The following IGF1R variants were observed in gnomAD, a reference collection of about 807,000 sequenced individuals.
The protein encoded by IGF1R is insulin-like growth factor 1 receptor.
In IGF1R, 44 loss-of-function variants were observed where a neutral mutation model predicts 144.6. The ratio of observed to expected loss-of-function variants is 0.30; its 90% CI spans 0.24 to 0.39. IGF1R has a LOEUF of 0.39. Among genes scored for constraint, IGF1R ranks in the 10% least tolerant of loss-of-function variants. The pLI is 1.00. For missense variants in IGF1R, 1,355 were observed against 1,833.7 expected, an observed-to-expected ratio of 0.74 and a Z score of 4.77; for synonymous variants, 795 against 722.8, an observed-to-expected ratio of 1.10 and a Z score of -1.60.
At chr15:98,671,171 G>A (rs2052880931) in intron 1 of IGF1R, among the ~76,000 whole-genome samples, 1 of 152,228 alleles carries the variant, frequency 6.6e-6, no homozygotes, top group African/African-American at 2.4e-5. Context: ...AAATCTGCAT[G>A]TCTGAAAGCA....
intron 2 of IGF1R, among the ~76,000 whole-genome samples, chr15:98,815,333 C>A (rs537983445): frequency 6.6e-6 from 1 of 152,306 alleles, no homozygotes; most frequent in Admixed American, 6.5e-5. Context: ...TGGTAACAAC[C>A]TCTTCCTGTT....
At chr15:98,706,191 C>G (rs1012297147) in intron 1 of IGF1R, among the ~76,000 whole-genome samples, 1 of 152,232 alleles carries the variant, frequency 6.6e-6, no homozygotes. Context: ...TTGCCTTCAC[C>G]ATGAGCCTCC....
rs778561064 is a variant in IGF1R, at chr15:98,948,847, G to C, written c.3722+139G>C. On this transcript the variant is annotated intron_variant, in intron 20 of 20. Transcript: ENST00000650285. ...CTTGCCAGGCGTGGCTAAGAGGTTTGTCCTTGTGGAAGGAGCTGAGTGGGT... is the reference window on the plus strand; with the variant it reads ...CTTGCCAGGCGTGGCTAAGAGGTTTCTCCTTGTGGAAGGAGCTGAGTGGGT... The C allele has an allele frequency of 7.1e-5, 73 of 1,034,574 alleles. 1 individual carries two copies. Among genetic ancestry groups the C allele is most frequent in the Non-Finnish European group, 1.0e-4 (69 of 668,552 alleles). 64.1% of individuals were successfully genotyped at this position (1,034,574 alleles called of 1,614,324 possible). A position where few individuals can be genotyped will look rare whatever the true frequency, so the allele number is the denominator to read the frequency against.
At chr15:98,719,726 T>C (rs2054202961) in intron 2 of IGF1R, among the ~76,000 whole-genome samples, 1 of 152,178 alleles carries the variant, frequency 6.6e-6, no homozygotes, top group East Asian at 1.9e-4. Flanking sequence ...GGCAAGTGCT[T>C]AGGCCTCAGA....
At chr15:98,856,049 G>GTT in intron 2 of IGF1R, among the ~76,000 whole-genome samples, 1 of 152,176 alleles carries the variant, frequency 6.6e-6, no homozygotes, top group African/African-American at 2.4e-5. Flanking sequence ...CGGTTTAGAG[G>GTT]GAGACGGGGT....
At chr15:98,700,914 T>A (rs2053715284) in intron 1 of IGF1R, among the ~76,000 whole-genome samples, 1 of 151,576 alleles carries the variant, frequency 6.6e-6, no homozygotes, top group Non-Finnish European at 1.5e-5. Context: ...ATTGCGCTAT[T>A]AAAACTTTTT....
At chr15:98,716,679 A>G (rs2054125849) in intron 2 of IGF1R, among the ~76,000 whole-genome samples, 1 of 152,182 alleles carries the variant, frequency 6.6e-6, no homozygotes, top group African/African-American at 2.4e-5. Flanking sequence ...AGGCAGAAGA[A>G]CAGAACAGTC....
intron 2 of IGF1R, chr15:98,880,779 A>C (rs772146705): frequency 1.3e-5 from 2 of 152,266 alleles, no homozygotes; most frequent in Admixed American, 6.5e-5. Context: ...CAGGTTTATC[A>C]GCAAGGGTCA....
At chr15:98,673,852 T>C (rs2052962966) in intron 1 of IGF1R, among the ~76,000 whole-genome samples, 1 of 152,234 alleles carries the variant, frequency 6.6e-6, no homozygotes, top group Non-Finnish European at 1.5e-5. Flanking sequence ...ATTTTGCATG[T>C]CTGAGGCCAG....
intron 1 of IGF1R, among the ~76,000 whole-genome samples, chr15:98,654,929 A>T (rs1165495125): frequency 1.3e-5 from 2 of 152,132 alleles, no homozygotes; most frequent in Non-Finnish European, 2.9e-5. Context: ...TAGCAAGAGG[A>T]GGTTTTCCAG....
At chr15:98,866,768 G>A (rs958310671) in intron 2 of IGF1R, among the ~76,000 whole-genome samples, 20 of 152,338 alleles carry the variant, frequency 1.3e-4, no homozygotes, top group Middle Eastern at 6.8e-3. Context: ...GCACGAGTGA[G>A]GGGTGATGTC....
chr15:98,727,812 G>GA (rs2054397469), intron 2 of IGF1R, among the ~76,000 whole-genome samples: 1 of 152,144 alleles, frequency 6.6e-6, no homozygotes, highest in South Asian at 2.1e-4. Flanking sequence ...AAGGACTGGG[G>GA]AAACCGCCGG....
At chr15:98,767,581 T>A (rs910595090) in intron 2 of IGF1R, among the ~76,000 whole-genome samples, 1 of 152,266 alleles carries the variant, frequency 6.6e-6, no homozygotes, top group Non-Finnish European at 1.5e-5. Flanking sequence ...AAAATATTTC[T>A]TATTGTTGAT....
At position 98,896,770 on chromosome 15, in the gene IGF1R, C is replaced by T. The variant is rs981084467; in HGVS notation, c.967C>T (p.Pro323Ser). The T allele has an allele frequency of 2.5e-6, 4 of 1,613,758 alleles. No individual in the cohort carries two copies. The highest frequency in any genetic ancestry group is 1.3e-5 in the African/African-American group (1 of 74,898). Residue 323 changes from proline to serine, a missense_variant, in exon 4 of 21, where the codon CCT (proline) becomes TCT (serine). Transcript: ENST00000650285. ...CTTCTTCAACAGCATGTACTGCATC[C>T]CTTGTGAAGGTCCTTGCCCGAAGGT... ...RNGSQSMYCI[P>S]CEGPCPKVCE...
intron 4 of IGF1R, among the ~76,000 whole-genome samples, chr15:98,897,899 G>C (rs995786260): frequency 4.0e-5 from 6 of 150,888 alleles, no homozygotes; most frequent in Non-Finnish European, 8.8e-5. Flanking sequence ...AAGGAATTTT[G>C]GGGGGGGAAT....
At chr15:98,930,423 C>T (rs1177375685) in intron 15 of IGF1R, 118 bp downstream of exon 15, 1 of 687,170 alleles carries the variant, frequency 1.5e-6, no homozygotes, top group South Asian at 1.6e-5. Context: ...TACCTTTGGC[C>T]TTGGATCTGT....
rs148252328 is a variant in IGF1R, at chr15:98,791,371, A to G, written c.640+83264A>G. On this transcript the variant is annotated intron_variant, in intron 2 of 20. Transcript: ENST00000650285. Reference sequence around the variant, plus strand: ...TTTTACTTCACTTGTAACTTATTACATGTATTAAGGAGTTTATTTTTATAT... The same window carrying G: ...TTTTACTTCACTTGTAACTTATTACGTGTATTAAGGAGTTTATTTTTATAT... Among the ~76,000 whole-genome samples the G allele has an allele frequency of 3.5e-4, 54 of 152,354 alleles. 2 individuals carry two copies. Among genetic ancestry groups the G allele is most frequent in the African/African-American group, 1.2e-3 (48 of 41,578 alleles).
intron 1 of IGF1R, among the ~76,000 whole-genome samples, chr15:98,690,499 ATTC>A (rs1444689402): frequency 1.3e-5 from 2 of 152,248 alleles, no homozygotes; most frequent in African/African-American, 2.4e-5. Context: ...CAAAAATGCT[ATTC>A]TTAGCCATCG....
chr15:98,924,181 G>C (rs575744272), intron 12 of IGF1R, among the ~76,000 whole-genome samples, 169 bp downstream of exon 12: 4 of 152,376 alleles, frequency 2.6e-5, no homozygotes, highest in East Asian at 1.9e-4. Context: ...TCTCCAAGGA[G>C]TACTGCATAG....
Sources: allele counts gnomAD v4.1 joint callset (sites outside exome capture counted in the v4.1 genomes callset), GRCh38; gene constraint gnomAD v4.1.1; transcripts MANE v1.5; gene names NCBI Gene and HGNC (gene_info 2026-07-23, HGNC 2026-07-21).